The following CSMD1 variants were observed in gnomAD, a reference collection of about 807,000 sequenced individuals.
CSMD1 encodes CUB and Sushi multiple domains 1, also known as CUB and sushi domain-containing protein 1.
In CSMD1, 213 loss-of-function variants were observed where a neutral mutation model predicts 417.5. That is an observed-to-expected ratio of 0.51 (90% CI 0.46 to 0.57). CSMD1 has a LOEUF of 0.57. CSMD1 is among the 20% of genes least tolerant of loss of function. CSMD1 has a pLI of 0.00. For missense variants in CSMD1, 6,923 were observed against 4,529.7 expected, an observed-to-expected ratio of 1.53 and a Z score of -15.17; for synonymous variants, 2,862 against 1,736.8, an observed-to-expected ratio of 1.65 and a Z score of -16.11.
intron 50 of CSMD1, among the ~76,000 whole-genome samples, chr8:3,038,181 G>A (rs572226075): frequency 2.0e-5 from 3 of 152,322 alleles, no homozygotes; most frequent in East Asian, 1.9e-4. Flanking sequence ...CATGGAATCT[G>A]ATCTCAGCGA....
chr8:3,893,752 G>C (rs554334774), intron 5 of CSMD1, among the ~76,000 whole-genome samples: 41 of 152,104 alleles, frequency 2.7e-4, no homozygotes, highest in African/African-American at 9.4e-4. Flanking sequence ...CTTTGTAATT[G>C]AGCTCATTCA....
At chr8:3,339,168 T>C (rs1370502765) in intron 23 of CSMD1, among the ~76,000 whole-genome samples, 2 of 152,074 alleles carry the variant, frequency 1.3e-5, no homozygotes, top group Non-Finnish European at 2.9e-5. Flanking sequence ...CATGAACTCA[T>C]CATTTTTTAT....
chr8:4,038,566 G>C (rs1031489712), intron 3 of CSMD1, among the ~76,000 whole-genome samples: 1 of 152,162 alleles, frequency 6.6e-6, no homozygotes, highest in African/African-American at 2.4e-5. Context: ...GATTATGCAT[G>C]TCTCTTTGTG....
At chr8:4,250,604 G>T (rs1199626916) in intron 3 of CSMD1, among the ~76,000 whole-genome samples, 2 of 152,074 alleles carry the variant, frequency 1.3e-5, no homozygotes, top group Non-Finnish European at 2.9e-5. Context: ...ATAATTGATA[G>T]GTCTACCAAA....
At chr8:4,526,429 G>C (rs530022492) in intron 2 of CSMD1, among the ~76,000 whole-genome samples, 12 of 152,170 alleles carry the variant, frequency 7.9e-5, no homozygotes, top group Non-Finnish European at 1.8e-4. Flanking sequence ...CAAATGCCTA[G>C]TACTAAAAAA....
chr8:3,905,105 C>T (rs1342387675), intron 5 of CSMD1, among the ~76,000 whole-genome samples: 1 of 151,968 alleles, frequency 6.6e-6, no homozygotes, highest in East Asian at 1.9e-4. Flanking sequence ...GAAACTGAGG[C>T]AATTTTAATA....
chr8:4,458,702 G>T (rs376717182), intron 2 of CSMD1, among the ~76,000 whole-genome samples: 3 of 152,058 alleles, frequency 2.0e-5, no homozygotes, highest in Admixed American at 2.0e-4. Context: ...AAAATAATTA[G>T]ATTATTTCTT....
At chr8:4,369,485 C>G (rs1584968600) in intron 3 of CSMD1, among the ~76,000 whole-genome samples, 1 of 152,064 alleles carries the variant, frequency 6.6e-6, no homozygotes, top group African/African-American at 2.4e-5. Flanking sequence ...AGGTTAAGTT[C>G]AAAATATCTG....
chr8:3,161,474 G>A (rs559260517), intron 38 of CSMD1, among the ~76,000 whole-genome samples: 10 of 151,884 alleles, frequency 6.6e-5, no homozygotes, highest in South Asian at 6.2e-4. Flanking sequence ...AAAAGTAGCC[G>A]GGTGTGGTGG....
intron 3 of CSMD1, among the ~76,000 whole-genome samples, chr8:4,384,705 C>T (rs1803330820): frequency 6.6e-6 from 1 of 152,106 alleles, no homozygotes; most frequent in Non-Finnish European, 1.5e-5. Context: ...TTTCCCAGGG[C>T]CAAGGCACGT....
intron 5 of CSMD1, among the ~76,000 whole-genome samples, chr8:3,785,561 G>A (rs1299275864): frequency 6.6e-6 from 1 of 152,216 alleles, no homozygotes; most frequent in Non-Finnish European, 1.5e-5. Context: ...GAAGGGAGAG[G>A]TAAGCGGTGC....
At chr8:3,577,397 C>T (rs921049242) in intron 9 of CSMD1, among the ~76,000 whole-genome samples, 6 of 152,118 alleles carry the variant, frequency 3.9e-5, no homozygotes, top group African/African-American at 1.4e-4. Context: ...TTCAAATTAA[C>T]CCATGTTTCT....
chr8:4,731,787 CTATT>C (rs1390168148), intron 1 of CSMD1, among the ~76,000 whole-genome samples: 2 of 152,138 alleles, frequency 1.3e-5, no homozygotes, highest in African/African-American at 2.4e-5. Context: ...ACCACCTACT[CTATT>C]TATTTAGGGT....
intron 3 of CSMD1, among the ~76,000 whole-genome samples, chr8:4,324,893 T>C (rs1168509104): frequency 2.0e-5 from 3 of 152,162 alleles, no homozygotes; most frequent in Non-Finnish European, 4.4e-5. Flanking sequence ...CTCAAGGCAC[T>C]CTGAGTCCTG....
intron 54 of CSMD1, among the ~76,000 whole-genome samples, chr8:2,984,375 G>A (rs1167388408): frequency 1.3e-5 from 2 of 151,830 alleles, no homozygotes; most frequent in African/African-American, 2.4e-5. Flanking sequence ...CCGAGACCAC[G>A]TCTTGCTCTG....
chr8:4,303,859 G>A (rs958081674), intron 3 of CSMD1, among the ~76,000 whole-genome samples: 2 of 152,016 alleles, frequency 1.3e-5, no homozygotes, highest in Non-Finnish European at 2.9e-5. Flanking sequence ...GTTTCACTAT[G>A]TTGCCCAGGC....
Position 4,520,716 on chromosome 8 carries a change from C to T in CSMD1, c.303-100651G>A, listed in dbSNP as rs187957026. On this transcript the variant is annotated intron_variant, in intron 2 of 69. Transcript: ENST00000635120. ...TGTATGTGAAAGTCAGAATCCTGAACTTTTGTTCCAATTATTTAACTCTAA... is the reference window on the plus strand; with the variant it reads ...TGTATGTGAAAGTCAGAATCCTGAATTTTTGTTCCAATTATTTAACTCTAA... 3.3e-5 allele frequency among the ~76,000 whole-genome samples: 5 copies of T among 152,198 alleles called. No individual in the cohort carries two copies. The East Asian group carries it at 5.8e-4, about 18-fold the overall frequency.
intron 6 of CSMD1, among the ~76,000 whole-genome samples, chr8:3,713,217 A>C (rs1801628847): frequency 6.6e-6 from 1 of 152,138 alleles, no homozygotes; most frequent in African/African-American, 2.4e-5. Flanking sequence ...CATTTACTTT[A>C]GTTTTCCTTT....
At chr8:3,436,445 C>T (rs564198448) in intron 12 of CSMD1, among the ~76,000 whole-genome samples, 183 of 152,226 alleles carry the variant, frequency 1.2e-3, no homozygotes, top group African/African-American at 3.2e-3. Flanking sequence ...CTTACGTAAT[C>T]CCAGCCCTCA....
Sources: gnomAD v4.1 joint callset for allele counts (sites outside exome capture counted in the v4.1 genomes callset) on GRCh38, gnomAD v4.1.1 for gene constraint, MANE v1.5 for transcripts, NCBI Gene and HGNC (gene_info 2026-07-23, HGNC 2026-07-21) for gene names.